The following OTOGL variants were observed in gnomAD, a reference collection of about 807,000 sequenced individuals.
OTOGL encodes the protein otogelin like.
Under a neutral mutation model 318.5 loss-of-function variants are expected in OTOGL, and 285 were observed. That is an observed-to-expected ratio of 0.89 (90% CI 0.81 to 0.99). The LOEUF (loss-of-function observed/expected upper bound fraction) is 0.99. OTOGL is among the 50% of genes least tolerant of loss of function. The pLI, the probability that OTOGL is intolerant of heterozygous loss-of-function variation, is 0.00. For synonymous variants in OTOGL, 987 were observed against 936.5 expected, an observed-to-expected ratio of 1.05 and a Z score of -0.99; for missense variants, 2,899 against 2,845.6, an observed-to-expected ratio of 1.02 and a Z score of -0.43.
chr12:80,157,009 C>G (rs984550353), intron 1 of OTOGL, among the ~76,000 whole-genome samples: 1 of 152,116 alleles, frequency 6.6e-6, no homozygotes, highest in Non-Finnish European at 1.5e-5. Flanking sequence ...TTTCAAGGAA[C>G]CTCCAAACTG....
intron 1 of OTOGL, among the ~76,000 whole-genome samples, chr12:80,102,080 A>G (rs1869172876): frequency 6.6e-6 from 1 of 152,204 alleles, no homozygotes; most frequent in Non-Finnish European, 1.5e-5. Flanking sequence ...ACTAGTTGAT[A>G]AATCCACTCA....
At chr12:80,114,610 G>A (rs918839974) in intron 1 of OTOGL, among the ~76,000 whole-genome samples, 1 of 152,070 alleles carries the variant, frequency 6.6e-6, no homozygotes, top group African/African-American at 2.4e-5. Flanking sequence ...CTCTTCTCGA[G>A]GAGTGTCTTT....
Position 80,302,792 on chromosome 12 carries a change from A to G in OTOGL, c.3213+9A>G. 6.9e-7 allele frequency: 1 copy of G among 1,458,932 alleles called. No individual in the cohort carries two copies. The highest frequency in any genetic ancestry group is 9.0e-7 in the Non-Finnish European group (1 of 1,107,846). The allele number at this position is 1,458,932 out of a possible 1,614,324, so 90.4% of individuals were successfully genotyped here. ...TTGGGCCACAGTGGAAGGTAGGTCA[A>G]CCTAAGCTCCAAATGAGATGTAATG... On this transcript the variant is annotated intron_variant, in intron 28 of 58. Transcript: ENST00000547103.
At chr12:80,209,554 T>C (rs1255633423) in intron 2 of OTOGL, 44 bp downstream of exon 2, 1 of 1,302,360 alleles carries the variant, frequency 7.7e-7, no homozygotes, top group Non-Finnish European at 1.1e-6. Context: ...ATTGTATTTT[T>C]GTTTCTCTTA....
At chr12:80,358,508 A>G (rs1387181102) in intron 50 of OTOGL, among the ~76,000 whole-genome samples, 159 bp downstream of exon 50, 5 of 152,270 alleles carry the variant, frequency 3.3e-5, no homozygotes, top group African/African-American at 1.2e-4. Context: ...TTATATGTCA[A>G]TTGTTTTATC....
intron 1 of OTOGL, among the ~76,000 whole-genome samples, chr12:80,168,264 A>T (rs556587263): frequency 6.6e-6 from 1 of 152,166 alleles, no homozygotes; most frequent in South Asian, 2.1e-4. Flanking sequence ...CCTAATAAGG[A>T]GAAAGTTCCT....
intron 1 of OTOGL, among the ~76,000 whole-genome samples, chr12:80,162,104 T>A (rs1873552312): frequency 1.3e-5 from 2 of 152,160 alleles, no homozygotes; most frequent in Non-Finnish European, 2.9e-5. Context: ...AATTCTAAAG[T>A]GATTTTATGG....
At chr12:80,300,517 A>T (rs1885689279) in intron 27 of OTOGL, among the ~76,000 whole-genome samples, 2 of 152,148 alleles carry the variant, frequency 1.3e-5, no homozygotes, top group African/African-American at 4.8e-5. Flanking sequence ...AACTTCACTG[A>T]CAAAACACGA....
chr12:80,206,282 T>G (rs1221056958), intron 1 of OTOGL, among the ~76,000 whole-genome samples: 1 of 152,234 alleles, frequency 6.6e-6, no homozygotes, highest in Non-Finnish European at 1.5e-5. Flanking sequence ...TCTGTTTTGC[T>G]TATTTTCATG....
rs1299040755 is a variant in OTOGL, at chr12:80,358,256, T to A, written c.6028T>A (p.Ser2010Thr). ...TTCTTGTTTTACCTTAGTTTGTGAA[T>A]CTTGCACCAAACCTGTTCCACTATG... is the stretch of plus-strand genomic sequence containing the variant. The part of the protein sequence containing the change: ...CCFSPFCVCE[S>T]CTKPVPLCHD... The change falls in exon 50 of 59, where the codon TCT becomes ACT. Residue 2010 changes from serine to threonine, a missense_variant. Ser to Thr is a moderately conservative substitution (Grantham distance 58). Around this residue, in one of 3 missense-constraint regions of OTOGL, gnomAD observed 2,607 missense variants for 2,524.9 expected, o/e 1.03. Coordinates refer to ENST00000547103, the MANE Select transcript of OTOGL (RefSeq NM_001378609.3). 1 of 1,609,636 alleles carries A rather than the reference T, an allele frequency of 6.2e-7. No homozygotes were observed. The highest frequency in any genetic ancestry group is 1.7e-5 in the Admixed American group (1 of 59,720).
Position 80,153,186 on chromosome 12 carries a change from G to A in OTOGL, c.-20+53581G>A, listed in dbSNP as rs916199327. On this transcript the variant is annotated intron_variant, in intron 1 of 58. Coordinates refer to ENST00000547103, the MANE Select transcript of OTOGL (RefSeq NM_001378609.3). The stretch of plus-strand genomic sequence containing the variant: ...AATTTATTTCTTATTCTGGAAGTTG[G>A]GAAGTTCAAGAGTAACACACCAGCA... Among the ~76,000 whole-genome samples the A allele has an allele frequency of 2.0e-5, 3 of 152,150 alleles. No homozygotes were observed. The South Asian group carries it at 6.2e-4, about 32-fold the overall frequency.
chr12:80,197,649 C>T (rs537801418), intron 1 of OTOGL, among the ~76,000 whole-genome samples: 47 of 152,368 alleles, frequency 3.1e-4, no homozygotes, highest in African/African-American at 1.1e-3. Flanking sequence ...GGCCCTCTTA[C>T]AGCTCTGAAG....
In OTOGL at chr12:80,342,112, C is replaced by A. The variant is rs1185477497; in HGVS notation, c.5215C>A (p.Gln1739Lys). 1 of 1,602,038 alleles carries A rather than the reference C, an allele frequency of 6.2e-7. No individual in the cohort carries two copies. Among genetic ancestry groups the A allele is most frequent in the Admixed American group, 1.7e-5 (1 of 58,466 alleles). ...VRNCTEHDCS[Q>K]CIDLLNRRIF... ...GAATTGTACTGAGCATGATTGCAGC[C>A]AGTGCATTGATTTATTAAATAGAAG... is the stretch of plus-strand genomic sequence containing the variant. The change falls in exon 44 of 59, where the codon CAG becomes AAG. Residue 1739 changes from glutamine (Q) to lysine (K), a missense_variant. Gln to Lys is a moderately conservative substitution (Grantham distance 53). This residue lies in a region of OTOGL where 2,607 missense variants were observed against 2,524.9 expected (regional missense o/e 1.03). Transcript: ENST00000547103.
intron 4 of OTOGL, among the ~76,000 whole-genome samples, chr12:80,214,550 T>G (rs1877535358): frequency 6.6e-6 from 1 of 152,130 alleles, no homozygotes; most frequent in Non-Finnish European, 1.5e-5. Flanking sequence ...CCAAGGTGAA[T>G]TCAGAGGTGG....
At chr12:80,356,982 G>A (rs545976793) in intron 49 of OTOGL, 68 bp downstream of exon 49, 19 of 1,006,970 alleles carry the variant, frequency 1.9e-5, no homozygotes, top group African/African-American at 1.3e-4. Context: ...CTTATTTGAT[G>A]TGAATTTTAT....
intron 26 of OTOGL, among the ~76,000 whole-genome samples, chr12:80,288,381 GT>G (rs534031486): frequency 1.9e-3 from 291 of 152,086 alleles, no homozygotes; most frequent in African/African-American, 6.7e-3. Flanking sequence ...GTGTCTTGGG[GT>G]TACTCTTCTC....
At position 80,323,709 on chromosome 12, in the gene OTOGL, T is replaced by G. The variant is rs755604751; in HGVS notation, c.4082-14T>G. ...ATTAAATATGCACACAATCTAAACT[T>G]TATTTTTTCCCAGAAATCCAGGCAG... is the stretch of plus-strand genomic sequence containing the variant. On this transcript the variant is annotated splice_polypyrimidine_tract_variant and intron_variant, in intron 34 of 58. Coordinates refer to ENST00000547103, the MANE Select transcript of OTOGL (RefSeq NM_001378609.3). The G allele has an allele frequency of 2.1e-5, 33 of 1,593,598 alleles. No homozygotes were observed. Among genetic ancestry groups the G allele is most frequent in the Non-Finnish European group, 2.8e-5 (32 of 1,162,256 alleles).
At chr12:80,130,813 TC>T (rs1167665676) in intron 1 of OTOGL, among the ~76,000 whole-genome samples, 3 of 152,240 alleles carry the variant, frequency 2.0e-5, no homozygotes, top group Non-Finnish European at 4.4e-5. Context: ...CTTCAACCAT[TC>T]CCACATATCT....
intron 52 of OTOGL, chr12:80,366,237 A>G (rs1192029542): frequency 2.4e-6 from 1 of 425,086 alleles, no homozygotes. Context: ...ACTGTACTAT[A>G]CTCATTGTGT....
Sources: gnomAD v4.1 joint callset for allele counts (sites outside exome capture counted in the v4.1 genomes callset) on GRCh38, gnomAD v4.1.1 for gene constraint, gnomAD v4.1.1 regional missense constraint, MANE v1.5 for transcripts, NCBI Gene and HGNC (gene_info 2026-07-23, HGNC 2026-07-21) for gene names.